The following SCFD2 variants were observed in gnomAD, a reference collection of about 807,000 sequenced individuals.
SCFD2 encodes sec1 family domain containing 2, also known as sec1 family domain-containing protein 2.
A neutral mutation model predicts 58.9 loss-of-function variants in SCFD2; 54 were observed. The observed-to-expected ratio is 0.92, with a 90% CI of 0.74 to 1.15. The LOEUF (loss-of-function observed/expected upper bound fraction) is 1.15. SCFD2 is among the 50% of genes most tolerant of loss of function. The probability of loss-of-function intolerance (pLI) is 0.00; values close to 1 mark genes in which losing one functional copy is unlikely to be tolerated. For synonymous variants in SCFD2, 321 were observed against 335.9 expected (o/e 0.96, Z 0.49); for missense variants, 805 against 836.6 (o/e 0.96, Z 0.47).
At chr4:52,919,567 T>C (rs1201872459) in intron 6 of SCFD2, among the ~76,000 whole-genome samples, 1 of 152,190 alleles carries the variant, frequency 6.6e-6, no homozygotes, top group Non-Finnish European at 1.5e-5. Context: ...ACTTCTAGAA[T>C]CTCTATGAGA....
At position 53,014,103 on chromosome 4, in the gene SCFD2, C is replaced by CA. The variant is rs375801735; in HGVS notation, c.1562-93234dup. 7.3e-3 allele frequency among the ~76,000 whole-genome samples: 1,109 copies of CA among 152,222 alleles called. 8 individuals are homozygous for CA. Among genetic ancestry groups the CA allele is most frequent in the African/African-American group, 0.025 (1,055 of 41,536 alleles). ...CACCCTTTGCCATGTGCAGGGGATG[C>CA]AGGGAGGTAAATGGGTGGACCTGTT... On this transcript the variant is annotated intron_variant, in intron 5 of 8. Transcript: ENST00000401642.
intron 4 of SCFD2, among the ~76,000 whole-genome samples, chr4:53,181,610 C>G (rs1338851917): frequency 1.3e-5 from 2 of 152,174 alleles, no homozygotes; most frequent in African/African-American, 4.8e-5. Flanking sequence ...CAGAGATGCC[C>G]TCTCTCACCA....
At chr4:53,113,616 G>A (rs1410065895) in intron 5 of SCFD2, among the ~76,000 whole-genome samples, 1 of 152,008 alleles carries the variant, frequency 6.6e-6, no homozygotes. Flanking sequence ...TTTCACAACT[G>A]CAATCACATA....
chr4:53,193,963 G>A (rs986905270), intron 4 of SCFD2, among the ~76,000 whole-genome samples: 3 of 152,058 alleles, frequency 2.0e-5, no homozygotes, highest in Non-Finnish European at 4.4e-5. Context: ...TTACTCTGGC[G>A]ATCAGCATCA....
intron 3 of SCFD2, among the ~76,000 whole-genome samples, chr4:53,294,774 T>C (rs923590571): frequency 6.6e-6 from 1 of 152,174 alleles, no homozygotes; most frequent in Non-Finnish European, 1.5e-5. Flanking sequence ...TGGTTTCAGG[T>C]ATTGCGTTTA....
intron 5 of SCFD2, among the ~76,000 whole-genome samples, chr4:52,924,788 A>C (rs1444794216): frequency 6.6e-6 from 1 of 152,186 alleles, no homozygotes; most frequent in Non-Finnish European, 1.5e-5. Context: ...AGATCACATC[A>C]CTATTCCCAG....
chr4:53,260,592 T>C (rs1455174599), intron 4 of SCFD2, among the ~76,000 whole-genome samples: 3 of 152,208 alleles, frequency 2.0e-5, no homozygotes, highest in African/African-American at 7.2e-5. Context: ...CTGATCATGG[T>C]GGATGATCTT....
chr4:53,079,747 A>T (rs549300977), intron 5 of SCFD2, among the ~76,000 whole-genome samples: 49 of 152,246 alleles, frequency 3.2e-4, no homozygotes, highest in Middle Eastern at 3.4e-3. Context: ...CATTCCCCTT[A>T]CATTGTGCTT....
intron 5 of SCFD2, among the ~76,000 whole-genome samples, chr4:53,092,540 C>T (rs1232817306): frequency 2.7e-5 from 4 of 148,320 alleles, no homozygotes; most frequent in Non-Finnish European, 4.5e-5. Flanking sequence ...TGGAAACAAC[C>T]TACATGTCCA....
At chr4:53,236,024 T>C (rs1197797745) in intron 4 of SCFD2, among the ~76,000 whole-genome samples, 1 of 152,152 alleles carries the variant, frequency 6.6e-6, no homozygotes, top group African/African-American at 2.4e-5. Context: ...AGTGTAAACT[T>C]GGATTGAAGG....
At chr4:53,085,653 A>G (rs1724284046) in intron 5 of SCFD2, among the ~76,000 whole-genome samples, 2 of 152,312 alleles carry the variant, frequency 1.3e-5, no homozygotes, top group South Asian at 4.1e-4. Context: ...AGCTATAGTA[A>G]CCAAAATAGC....
chr4:52,971,542 G>A (rs1721101141), intron 5 of SCFD2, among the ~76,000 whole-genome samples: 2 of 152,186 alleles, frequency 1.3e-5, no homozygotes, highest in Admixed American at 6.5e-5. Flanking sequence ...ACATCTGATT[G>A]GTGTACCTGA....
chr4:52,883,606 C>A (rs1718669320), intron 8 of SCFD2, among the ~76,000 whole-genome samples: 2 of 152,100 alleles, frequency 1.3e-5, no homozygotes, highest in African/African-American at 4.8e-5. Flanking sequence ...TGCATTTTAT[C>A]CTTTTAGAGT....
At chr4:53,062,784 A>C (rs989312691) in intron 5 of SCFD2, among the ~76,000 whole-genome samples, 6 of 152,182 alleles carry the variant, frequency 3.9e-5, no homozygotes, top group Non-Finnish European at 8.8e-5. Flanking sequence ...GTGACACACA[A>C]AAAGAGTATT....
intron 5 of SCFD2, among the ~76,000 whole-genome samples, chr4:52,968,571 GA>G (rs1446539800): frequency 6.6e-6 from 1 of 152,182 alleles, no homozygotes; most frequent in Non-Finnish European, 1.5e-5. Context: ...ATACTATTAT[GA>G]ATTCTTTACT....
chr4:53,002,850 T>C (rs1172385158), intron 5 of SCFD2, among the ~76,000 whole-genome samples: 1 of 152,132 alleles, frequency 6.6e-6, no homozygotes, highest in Non-Finnish European at 1.5e-5. Flanking sequence ...GGAAGCATGG[T>C]GGAATCTGCT....
chr4:53,111,758 A>G (rs1426984929), intron 5 of SCFD2, among the ~76,000 whole-genome samples: 1 of 152,156 alleles, frequency 6.6e-6, no homozygotes, highest in Non-Finnish European at 1.5e-5. Flanking sequence ...ATTACTAACT[A>G]TATTTCAAGA....
intron 5 of SCFD2, among the ~76,000 whole-genome samples, chr4:53,117,005 A>T (rs1190172957): frequency 6.6e-6 from 1 of 152,202 alleles, no homozygotes; most frequent in Non-Finnish European, 1.5e-5. Context: ...TTCTAACTAG[A>T]CCTAGACAAA....
intron 4 of SCFD2, among the ~76,000 whole-genome samples, chr4:53,250,124 A>T (rs966544327): frequency 3.3e-5 from 5 of 152,240 alleles, no homozygotes; most frequent in African/African-American, 1.2e-4. Context: ...AGCAAATGGA[A>T]AACAAAAAAA....
Sources: gnomAD v4.1 joint callset for allele counts (sites outside exome capture counted in the v4.1 genomes callset) on GRCh38, gnomAD v4.1.1 for gene constraint, MANE v1.5 for transcripts, NCBI Gene and HGNC (gene_info 2026-07-23, HGNC 2026-07-21) for gene names.